FSTL1: variants seen among roughly 807,000 people sequenced by gnomAD.
The protein encoded by FSTL1 is follistatin-related protein 1.
Under a neutral mutation model 45.9 loss-of-function variants are expected in FSTL1, and 24 were observed. That is an observed-to-expected ratio of 0.52 (90% CI 0.38 to 0.74). The LOEUF (loss-of-function observed/expected upper bound fraction) is 0.74. FSTL1 is among the 30% of genes least tolerant of loss of function. The pLI, the probability that FSTL1 is intolerant of heterozygous loss-of-function variation, is 0.00. For synonymous variants in FSTL1, 120 were observed against 137.6 expected, an observed-to-expected ratio of 0.87 and a Z score of 0.89; for missense variants, 340 against 381.8, an observed-to-expected ratio of 0.89 and a Z score of 0.91.
intron 2 of FSTL1, among the ~76,000 whole-genome samples, chr3:120,440,696 T>C (rs1937618724): frequency 6.6e-6 from 1 of 152,260 alleles, no homozygotes; most frequent in Admixed American, 6.5e-5. Context: ...TTGAAAAATT[T>C]TACTTTGTCC....
intron 3 of FSTL1, among the ~76,000 whole-genome samples, chr3:120,412,816 ATGTGCGCGCGCGCG>A: frequency 7.7e-6 from 1 of 129,362 alleles, no homozygotes; most frequent in East Asian, 3.4e-4. Flanking sequence ...ACACACACAC[ATGTGCGCGCGCGCG>A]CGCGCGCGCA....
chr3:120,441,725 C>T (rs960575600), intron 2 of FSTL1, among the ~76,000 whole-genome samples: 2 of 152,182 alleles, frequency 1.3e-5, no homozygotes, highest in African/African-American at 4.8e-5. Context: ...CTAGAGATGC[C>T]CTGAAGATGA....
chr3:120,406,812 A>G (rs965102917), intron 6 of FSTL1, among the ~76,000 whole-genome samples: 1 of 152,212 alleles, frequency 6.6e-6, no homozygotes, highest in Non-Finnish European at 1.5e-5. Flanking sequence ...CCCCAGCTCT[A>G]TACAGGTTGA....
chr3:120,405,059 C>G, intron 6 of FSTL1, 88 bp from the exon 7 acceptor site: 1 of 771,656 alleles, frequency 1.3e-6, no homozygotes, highest in South Asian at 1.4e-5. Flanking sequence ...GCCTCTGATT[C>G]ATCTTGTTCT....
rs149748581 is a variant in FSTL1, at chr3:120,401,354, C to T, written c.806-1395G>A. On this transcript the variant is annotated intron_variant, in intron 9 of 10. Transcript: ENST00000295633. ...CTGTCCCTGTAGTTACATTGGTTTG[C>T]TGTCGTTCCACACTGAAAACAGACT... Among the ~76,000 whole-genome samples, 138 of 152,270 alleles carry T rather than the reference C, an allele frequency of 9.1e-4. 1 individual carries two copies. The highest frequency in any genetic ancestry group is 3.2e-3 in the African/African-American group (134 of 41,564).
At chr3:120,400,952 G>A (rs1147697) in intron 9 of FSTL1, among the ~76,000 whole-genome samples, 19,174 of 152,210 alleles carry the variant, frequency 0.13, 1,387 homozygotes, top group African/African-American at 0.19. Flanking sequence ...CTGAGTGGCT[G>A]TGGAAATGGG....
chr3:120,421,843 T>C (rs1937284407), intron 2 of FSTL1, among the ~76,000 whole-genome samples: 1 of 152,166 alleles, frequency 6.6e-6, no homozygotes, highest in Admixed American at 6.5e-5. Flanking sequence ...AACCCTGGTT[T>C]TGTGGGGCCT....
chr3:120,442,157 T>C (rs1177365872), intron 2 of FSTL1, among the ~76,000 whole-genome samples: 1 of 152,194 alleles, frequency 6.6e-6, no homozygotes. Context: ...GTGTTGACTA[T>C]ACACCATGAG....
chr3:120,404,061 T>TTAC (rs1389303809), intron 7 of FSTL1, among the ~76,000 whole-genome samples: 1 of 151,962 alleles, frequency 6.6e-6, no homozygotes, highest in East Asian at 1.9e-4. Flanking sequence ...GCTCAATCAC[T>TTAC]TACTACTCAA....
intron 8 of FSTL1, 34 bp from the exon 9 acceptor site, chr3:120,402,952 C>T (rs1576207494): frequency 7.3e-7 from 1 of 1,362,556 alleles, no homozygotes; most frequent in Non-Finnish European, 1.1e-6. Context: ...AACAGTTTAG[C>T]TGTGAGGGTG....
At chr3:120,427,312 T>TA (rs777225066) in intron 2 of FSTL1, among the ~76,000 whole-genome samples, 120 of 152,324 alleles carry the variant, frequency 7.9e-4, no homozygotes, top group Non-Finnish European at 1.4e-3. Flanking sequence ...TTTATTTTTT[T>TA]AAAAACAGAA....
intron 7 of FSTL1, 113 bp downstream of exon 7, chr3:120,404,740 T>C (rs915919001): frequency 2.0e-5 from 14 of 709,122 alleles, no homozygotes; most frequent in Non-Finnish European, 3.7e-5. Context: ...ATTTTGCTTT[T>C]TACGTGACAT....
intron 2 of FSTL1, among the ~76,000 whole-genome samples, chr3:120,442,670 C>T (rs1436001692): frequency 6.6e-6 from 1 of 151,080 alleles, no homozygotes; most frequent in Non-Finnish European, 1.5e-5. Flanking sequence ...ATCCCAGCTA[C>T]TCAGGAGGCT....
chr3:120,395,408 A>G lies in FSTL1; in HGVS notation c.*1544T>C. On this transcript the variant is annotated 3_prime_UTR_variant, in exon 11 of 11. Transcript: ENST00000295633. ...CCCCAAGTCACAGTTTTAGGATTAA[A>G]TCTCCATTTTCTTCCCCCTGTTGAA... 1 of 334,828 alleles carries G rather than the reference A, an allele frequency of 3.0e-6. No individual in the cohort carries two copies. The highest frequency in any genetic ancestry group is 2.5e-5 in the South Asian group (1 of 39,934). 20.7% of individuals were successfully genotyped at this position (334,828 alleles called of 1,614,324 possible).
chr3:120,427,241 T>C (rs930489428), intron 2 of FSTL1, among the ~76,000 whole-genome samples: 15 of 152,226 alleles, frequency 9.9e-5, no homozygotes, highest in Admixed American at 9.8e-4. Context: ...TTTCTACTGG[T>C]ATGAATTCCC....
intron 3 of FSTL1, among the ~76,000 whole-genome samples, chr3:120,414,126 C>T (rs866050699): frequency 2.6e-5 from 4 of 151,938 alleles, no homozygotes; most frequent in Non-Finnish European, 4.4e-5. Flanking sequence ...GATCTCGGCT[C>T]GCTACAACCT....
chr3:120,398,024 C>T (rs1040538191), intron 10 of FSTL1, among the ~76,000 whole-genome samples: 5 of 152,162 alleles, frequency 3.3e-5, no homozygotes, highest in African/African-American at 9.7e-5. Context: ...TATGATACCA[C>T]TGTAATATGT....
intron 10 of FSTL1, 75 bp downstream of exon 10, chr3:120,399,808 A>G: frequency 1.1e-6 from 1 of 932,954 alleles, no homozygotes; most frequent in East Asian, 2.6e-5. Context: ...CTCCTGGGGC[A>G]CTGGGCAGTG....
intron 3 of FSTL1, among the ~76,000 whole-genome samples, chr3:120,413,869 C>G (rs1036208048): frequency 1.4e-5 from 2 of 144,230 alleles, no homozygotes; most frequent in Admixed American, 1.4e-4. Flanking sequence ...CTGCTGCCAT[C>G]TCGGCTCACT....
Sources: gnomAD v4.1 joint callset for allele counts (sites outside exome capture counted in the v4.1 genomes callset) on GRCh38, gnomAD v4.1.1 for gene constraint, MANE v1.5 for transcripts, NCBI Gene and HGNC (gene_info 2026-07-23, HGNC 2026-07-21) for gene names.